Variants in FREM3 observed in about 807,000 individuals in gnomAD.
The protein encoded by FREM3 is FRAS1-related extracellular matrix protein 3.
Under a neutral mutation model 129.1 loss-of-function variants are expected in FREM3, and 105 were observed. The observed-to-expected ratio is 0.81, with a 90% CI of 0.69 to 0.96. FREM3 has a LOEUF of 0.96. FREM3 is among the 40% of genes least tolerant of loss of function. The pLI, the probability that FREM3 is intolerant of heterozygous loss-of-function variation, is 0.00. For missense variants in FREM3, 2,593 were observed against 2,666.3 expected, an observed-to-expected ratio of 0.97 and a Z score of 0.61; for synonymous variants, 1,014 against 1,044.9, an observed-to-expected ratio of 0.97 and a Z score of 0.57.
At chr4:143,664,726 T>A (rs1170765381) in intron 2 of FREM3, among the ~76,000 whole-genome samples, 1 of 152,182 alleles carries the variant, frequency 6.6e-6, no homozygotes, top group South Asian at 2.1e-4. Context: ...CTCCTTGAGC[T>A]GTGGTGGGCT....
intron 3 of FREM3, among the ~76,000 whole-genome samples, chr4:143,625,613 G>C (rs1442446102): frequency 6.6e-6 from 1 of 152,174 alleles, no homozygotes; most frequent in Non-Finnish European, 1.5e-5. Context: ...AAGAGTGAAT[G>C]GTGTCCTCAG....
chr4:143,626,208 T>TA (rs1739034941), intron 3 of FREM3, among the ~76,000 whole-genome samples: 1 of 152,162 alleles, frequency 6.6e-6, no homozygotes, highest in African/African-American at 2.4e-5. Flanking sequence ...GTAGTTTACT[T>TA]AACAACAAAT....
chr4:143,591,267 C>T (rs1204429072), intron 6 of FREM3, among the ~76,000 whole-genome samples: 1 of 152,084 alleles, frequency 6.6e-6, no homozygotes, highest in Non-Finnish European at 1.5e-5. Context: ...TTAGTTATTT[C>T]TTGCCTTCTG....
intron 2 of FREM3, among the ~76,000 whole-genome samples, chr4:143,641,219 C>A (rs1306334724): frequency 3.3e-5 from 5 of 152,052 alleles, no homozygotes; most frequent in Non-Finnish European, 7.4e-5. Context: ...CTTATGTACA[C>A]AGTGTACTCA....
intron 6 of FREM3, among the ~76,000 whole-genome samples, chr4:143,600,388 C>T (rs541862463): frequency 3.9e-5 from 6 of 152,072 alleles, no homozygotes; most frequent in Admixed American, 6.5e-5. Flanking sequence ...ACTGTTCGGG[C>T]GACAGGTGCA....
chr4:143,657,654 C>T (rs1333648252), intron 2 of FREM3, among the ~76,000 whole-genome samples: 1 of 152,140 alleles, frequency 6.6e-6, no homozygotes, highest in African/African-American at 2.4e-5. Flanking sequence ...TAAAAGACTT[C>T]CATATACATA....
intron 2 of FREM3, among the ~76,000 whole-genome samples, chr4:143,669,348 C>T (rs1739924034): frequency 6.6e-6 from 1 of 152,198 alleles, no homozygotes; most frequent in Non-Finnish European, 1.5e-5. Context: ...CTCTGTCACT[C>T]AGGCTGGAGT....
intron 6 of FREM3, among the ~76,000 whole-genome samples, chr4:143,586,687 C>G (rs1338455165): frequency 2.0e-5 from 3 of 152,174 alleles, no homozygotes; most frequent in Non-Finnish European, 4.4e-5. Context: ...GCGAATGTTG[C>G]TTTGGCCAAG....
chr4:143,601,691 A>T (rs1186728958), intron 6 of FREM3: 1 of 152,190 alleles, frequency 6.6e-6, no homozygotes, highest in Non-Finnish European at 1.5e-5. Context: ...TTAGGCAGAT[A>T]CTGTGGCCTC....
At chr4:143,619,775 G>A (rs1018262762) in intron 5 of FREM3, among the ~76,000 whole-genome samples, 15 of 152,010 alleles carry the variant, frequency 9.9e-5, no homozygotes, top group African/African-American at 3.6e-4. Flanking sequence ...GGACCTCAAG[G>A]CCCTACTATT....
rs755298106 is a variant in FREM3 at position 143,696,116 on chromosome 4, G to A, written c.4560C>T (p.Tyr1520=). The A allele has an allele frequency of 1.1e-4, 174 of 1,537,346 alleles. No homozygotes were observed. The highest frequency in any genetic ancestry group is 4.9e-4 in the African/African-American group (36 of 73,014). ...SFEFQVIGEL[Y]PVFRTFRIFI... is the part of the protein sequence containing the mutation. ...AGATCCTGAAGGTTCTGAACACAGGGTAGAGTTCGCCGATCACTTGAAATT... is the reference window on the plus strand; with the variant it reads ...AGATCCTGAAGGTTCTGAACACAGGATAGAGTTCGCCGATCACTTGAAATT... The change falls in exon 1 of 8, where the codon TAC becomes TAT. Residue 1520 remains tyrosine, a synonymous_variant. Transcript: ENST00000329798.
At chr4:143,640,553 C>G (rs1206695482) in intron 2 of FREM3, among the ~76,000 whole-genome samples, 1 of 152,116 alleles carries the variant, frequency 6.6e-6, no homozygotes, top group African/African-American at 2.4e-5. Flanking sequence ...GCCTGTAATC[C>G]CAGCTACTCA....
intron 6 of FREM3, among the ~76,000 whole-genome samples, chr4:143,597,999 A>G (rs1057345759): frequency 6.6e-6 from 1 of 152,220 alleles, no homozygotes; most frequent in Admixed American, 6.5e-5. Flanking sequence ...CACTTATATG[A>G]CAAAAGAGGT....
intron 6 of FREM3, among the ~76,000 whole-genome samples, chr4:143,589,740 A>G (rs1738320553): frequency 6.6e-6 from 1 of 152,126 alleles, no homozygotes; most frequent in African/African-American, 2.4e-5. Context: ...TTTTGGTTCC[A>G]TATGAACTTT....
At chr4:143,582,934 C>A in intron 7 of FREM3, among the ~76,000 whole-genome samples, 1 of 151,302 alleles carries the variant, frequency 6.6e-6, no homozygotes. Context: ...ACTCTGTCAC[C>A]CAGGCTGGAA....
In FREM3 at chr4:143,577,564, G is replaced by C. The variant is rs1246655815; in HGVS notation, c.*47C>G. The C allele has an allele frequency of 6.7e-7, 1 of 1,501,056 alleles. No individual in the cohort carries two copies. The highest frequency in any genetic ancestry group is 1.3e-5 in the South Asian group (1 of 79,034). The allele number at this position is 1,501,056 out of a possible 1,614,324, so 93.0% of individuals were successfully genotyped here. A position where few individuals can be genotyped will look rare whatever the true frequency, so the allele number is the denominator to read the frequency against. On this transcript the variant is annotated 3_prime_UTR_variant, in exon 8 of 8. Transcript: ENST00000329798. ...TCTATAAACAGTAGAGTTTCATTCT[G>C]TTGTTAGGAGACATATCTTGGCTGT... is the stretch of plus-strand genomic sequence containing the variant.
chr4:143,649,928 G>C (rs1028758052), intron 2 of FREM3, among the ~76,000 whole-genome samples: 1 of 152,200 alleles, frequency 6.6e-6, no homozygotes, highest in Non-Finnish European at 1.5e-5. Context: ...GAACAAACTA[G>C]TCCATGATAT....
rs972349635 is a variant in FREM3, at chr4:143,695,853, T to C, written c.4823A>G (p.Tyr1608Cys). The change falls in exon 1 of 8, where the codon TAC becomes TGC. Residue 1608 changes from tyrosine (Y) to cysteine (C), a missense_variant. Tyr to Cys is a radical substitution (Grantham distance 194, BLOSUM62 -2). Transcript: ENST00000329798. ...AGTGGTCTCACTGCCGTCATGCTTGTAGCTAATCAGGTTCTTGTTCAGGTC... is the reference window on the plus strand; with the variant it reads ...AGTGGTCTCACTGCCGTCATGCTTGCAGCTAATCAGGTTCTTGTTCAGGTC... ...KQDLNKNLIS[Y>C]KHDGSETTED... 3.3e-6 allele frequency: 5 copies of C among 1,537,342 alleles called. No individual in the cohort carries two copies. The highest frequency in any genetic ancestry group is 4.4e-6 in the Non-Finnish European group (5 of 1,146,980).
intron 3 of FREM3, among the ~76,000 whole-genome samples, chr4:143,625,651 C>A (rs1739026170): frequency 6.6e-6 from 1 of 152,166 alleles, no homozygotes. Flanking sequence ...CTAAGTGGAG[C>A]TGCTATAGGA....
Sources: allele counts gnomAD v4.1 joint callset (sites outside exome capture counted in the v4.1 genomes callset), GRCh38; gene constraint gnomAD v4.1.1; transcripts MANE v1.5; gene names NCBI Gene and HGNC (gene_info 2026-07-23, HGNC 2026-07-21).